ZMAT4: variants seen among roughly 807,000 people sequenced by gnomAD.
ZMAT4 encodes zinc finger matrin-type protein 4.
ZMAT4 carries 17 observed loss-of-function variants against 28.7 expected under a neutral mutation model. The observed-to-expected ratio is 0.59, with a 90% CI of 0.41 to 0.89. The LOEUF (loss-of-function observed/expected upper bound fraction) is 0.89. Among genes scored for constraint, ZMAT4 ranks in the 40% least tolerant of loss-of-function variants. The probability of loss-of-function intolerance (pLI) is 0.00; values close to 1 mark genes in which losing one functional copy is unlikely to be tolerated. For missense variants in ZMAT4, 240 were observed against 283.8 expected (o/e 0.85, Z 1.11); for synonymous variants, 117 against 109.2 (o/e 1.07, Z -0.44).
In ZMAT4 at chr8:40,667,907, G is replaced by T. The variant is rs181939648; in HGVS notation, c.577+6797C>A. Among the ~76,000 whole-genome samples, 752 of 150,770 alleles carry T rather than the reference G, an allele frequency of 5.0e-3. 10 individuals carry two copies. The highest frequency in any genetic ancestry group is 0.018 in the African/African-American group (726 of 41,110). ...TGAAGTTGTTGCTATAGCTACATCA[G>T]CAGGCATAAAAACCTTGAACTTTAT... On this transcript the variant is annotated intron_variant, in intron 5 of 6. Coordinates refer to ENST00000297737, the MANE Select transcript of ZMAT4 (RefSeq NM_024645.3).
At chr8:40,811,469 A>G (rs1393081931) in intron 2 of ZMAT4, among the ~76,000 whole-genome samples, 2 of 152,212 alleles carry the variant, frequency 1.3e-5, no homozygotes, top group East Asian at 1.9e-4. Flanking sequence ...TAAAATAGCA[A>G]TCAGGAGGCA....
intron 5 of ZMAT4, among the ~76,000 whole-genome samples, chr8:40,599,413 G>A (rs1245089515): frequency 4.6e-5 from 7 of 152,288 alleles, no homozygotes; most frequent in African/African-American, 1.7e-4. Flanking sequence ...ATGTGTGTGT[G>A]TGTGTAGACA....
chr8:40,584,034 C>G (rs1445192796), intron 5 of ZMAT4, among the ~76,000 whole-genome samples: 1 of 152,134 alleles, frequency 6.6e-6, no homozygotes, highest in East Asian at 1.9e-4. Flanking sequence ...AGGTGTGTAG[C>G]TTTTGAAATT....
chr8:40,600,327 G>A (rs1312540142), intron 5 of ZMAT4, among the ~76,000 whole-genome samples: 3 of 152,180 alleles, frequency 2.0e-5, no homozygotes, highest in Non-Finnish European at 2.9e-5. Context: ...AATATCTCTT[G>A]CAATCAGATA....
At chr8:40,892,056 T>C (rs1191868521) in intron 1 of ZMAT4, among the ~76,000 whole-genome samples, 1 of 152,158 alleles carries the variant, frequency 6.6e-6, no homozygotes, top group Non-Finnish European at 1.5e-5. Context: ...CCACCACGTG[T>C]GTGGCGGTGT....
intron 1 of ZMAT4, among the ~76,000 whole-genome samples, chr8:40,891,370 C>A (rs1818680816): frequency 6.8e-6 from 1 of 147,274 alleles, no homozygotes; most frequent in Non-Finnish European, 1.5e-5. Flanking sequence ...CTGGTGTATC[C>A]CTTGGGTTCT....
intron 3 of ZMAT4, among the ~76,000 whole-genome samples, chr8:40,736,541 G>A (rs1215380833): frequency 6.6e-6 from 1 of 152,100 alleles, no homozygotes; most frequent in Non-Finnish European, 1.5e-5. Context: ...AAAATGAAGA[G>A]GCATCATGGC....
At chr8:40,599,803 G>A (rs1805235278) in intron 5 of ZMAT4, among the ~76,000 whole-genome samples, 1 of 152,230 alleles carries the variant, frequency 6.6e-6, no homozygotes, top group African/African-American at 2.4e-5. Flanking sequence ...GGAGAGTGGT[G>A]GGAGGCATAG....
intron 2 of ZMAT4, among the ~76,000 whole-genome samples, chr8:40,824,470 T>A (rs556543411): frequency 2.0e-5 from 3 of 150,616 alleles, no homozygotes; most frequent in South Asian, 2.1e-4. Flanking sequence ...AGAAAGAAAG[T>A]AAGAAAGAAA....
chr8:40,651,490 T>C (rs1346301809), intron 5 of ZMAT4, among the ~76,000 whole-genome samples: 3 of 150,248 alleles, frequency 2.0e-5, no homozygotes, highest in African/African-American at 4.9e-5. Context: ...ATCGTGAAAA[T>C]GGCCATACTG....
chr8:40,536,886 G>A (rs781370544), intron 6 of ZMAT4, among the ~76,000 whole-genome samples: 33 of 148,954 alleles, frequency 2.2e-4, no homozygotes, highest in Admixed American at 1.4e-3. Flanking sequence ...GAATGTCAGC[G>A]GGATGAGGGG....
chr8:40,631,228 TGAGGCGA>T (rs1325851976), intron 5 of ZMAT4, among the ~76,000 whole-genome samples: 1 of 152,146 alleles, frequency 6.6e-6, no homozygotes. Flanking sequence ...GCTGGAGTGC[TGAGGCGA>T]GATTTCGGCT....
Position 40,786,015 on chromosome 8 carries a change from G to A in ZMAT4, c.103-18285C>T, listed in dbSNP as rs139638114. On this transcript the variant is annotated intron_variant, in intron 2 of 6. Transcript: ENST00000297737. ...GCCTTCAGCTCCTTGACAGCCCACT[G>A]CAGTTGTTTCTGACTTCCATGACAA... Among the ~76,000 whole-genome samples the A allele has an allele frequency of 3.3e-3, 509 of 152,270 alleles. 2 individuals carry two copies. The highest frequency in any genetic ancestry group is 0.011 in the African/African-American group (471 of 41,542).
At chr8:40,768,381 C>A (rs1238544054) in intron 2 of ZMAT4, among the ~76,000 whole-genome samples, 4 of 152,216 alleles carry the variant, frequency 2.6e-5, no homozygotes, top group East Asian at 1.9e-4. Flanking sequence ...TCTGGCTATA[C>A]TGACTGGTCC....
intron 2 of ZMAT4, among the ~76,000 whole-genome samples, chr8:40,769,786 GTT>G: frequency 6.9e-6 from 1 of 145,168 alleles, no homozygotes; most frequent in African/African-American, 2.5e-5. Flanking sequence ...GTTTGTGGCT[GTT>G]TTTTTTTTTT....
chr8:40,881,608 GAA>G (rs1331620747), intron 1 of ZMAT4, among the ~76,000 whole-genome samples: 1 of 141,124 alleles, frequency 7.1e-6, no homozygotes, highest in Non-Finnish European at 1.6e-5. Flanking sequence ...GAAAAGAAAA[GAA>G]AAGAGAGAGA....
chr8:40,767,975 G>A (rs1813233258), intron 2 of ZMAT4, among the ~76,000 whole-genome samples: 1 of 152,176 alleles, frequency 6.6e-6, no homozygotes. Flanking sequence ...TTGAAATCAT[G>A]TAGCCTAGGG....
chr8:40,809,143 T>C (rs1216500457), intron 2 of ZMAT4, among the ~76,000 whole-genome samples: 1 of 152,212 alleles, frequency 6.6e-6, no homozygotes, highest in African/African-American at 2.4e-5. Context: ...AAAAATTGTG[T>C]CCTTTGCAGA....
At chr8:40,760,074 G>GCA (rs1007196835) in intron 3 of ZMAT4, among the ~76,000 whole-genome samples, 1 of 152,102 alleles carries the variant, frequency 6.6e-6, no homozygotes, top group African/African-American at 2.4e-5. Context: ...GCTTGTGCGA[G>GCA]CACTGAGAGC....
Sources: allele counts gnomAD v4.1 joint callset (sites outside exome capture counted in the v4.1 genomes callset), GRCh38; gene constraint gnomAD v4.1.1; transcripts MANE v1.5; gene names NCBI Gene and HGNC (gene_info 2026-07-23, HGNC 2026-07-21).